Variants in MRC2 observed in about 807,000 individuals in gnomAD.
MRC2 encodes C-type mannose receptor 2.
Under a neutral mutation model 206.2 loss-of-function variants are expected in MRC2, and 84 were observed. The ratio of observed to expected loss-of-function variants is 0.41; its 90% CI spans 0.34 to 0.49. The LOEUF is 0.49. MRC2 is among the 20% of genes least tolerant of loss of function. MRC2 has a pLI of 0.31. For missense variants in MRC2, 1,676 were observed against 2,001.5 expected, an observed-to-expected ratio of 0.84 and a Z score of 3.10; for synonymous variants, 798 against 800.0, an observed-to-expected ratio of 1.00 and a Z score of 0.04.
intron 12 of MRC2, among the ~76,000 whole-genome samples, 187 bp downstream of exon 12, chr17:62,677,673 G>T (rs951203137): frequency 2.6e-5 from 4 of 152,122 alleles, no homozygotes; most frequent in African/African-American, 9.7e-5. Context: ...AGGAATTGAG[G>T]GAACCACAGA....
chr17:62,657,928 G>A (rs1185294485), intron 1 of MRC2, among the ~76,000 whole-genome samples: 2 of 152,098 alleles, frequency 1.3e-5, no homozygotes, highest in Non-Finnish European at 2.9e-5. Context: ...CCCCGGCTTG[G>A]CAGAGTCCCC....
intron 1 of MRC2, among the ~76,000 whole-genome samples, chr17:62,630,044 C>T (rs1375238349): frequency 6.6e-6 from 1 of 152,114 alleles, no homozygotes; most frequent in Non-Finnish European, 1.5e-5. Context: ...GGAAGGAGTC[C>T]TCTTTGTTAG....
intron 20 of MRC2, among the ~76,000 whole-genome samples, chr17:62,686,319 G>C (rs2089031278): frequency 6.6e-6 from 1 of 152,078 alleles, no homozygotes; most frequent in Admixed American, 6.6e-5. Context: ...CAGGTGTGGT[G>C]GTGGGCGCCT....
chr17:62,671,871 G>C lies in MRC2; in HGVS notation c.1306+34G>C. 1.3e-6 allele frequency: 2 copies of C among 1,586,694 alleles called. No individual in the cohort carries two copies. Among genetic ancestry groups the C allele is most frequent in the Non-Finnish European group, 1.7e-6 (2 of 1,163,012 alleles). ...CTGCCCGCCCACGTGTCTGGGTGGAGGGCAGGGCCTCCCACTGCCCCACCC... is the reference window on the plus strand; with the variant it reads ...CTGCCCGCCCACGTGTCTGGGTGGACGGCAGGGCCTCCCACTGCCCCACCC... On this transcript the variant is annotated intron_variant, in intron 7 of 29. Transcript: ENST00000303375. This position sits in a 1 kb window ranked among gnomAD's most constrained non-coding sequence, Gnocchi z 4.5.
chr17:62,655,007 T>C (rs1169017503), intron 1 of MRC2, among the ~76,000 whole-genome samples: 1 of 152,178 alleles, frequency 6.6e-6, no homozygotes, highest in African/African-American at 2.4e-5. Flanking sequence ...TAGCTGGGGC[T>C]GCGTGCGGTG....
At chr17:62,659,977 G>A (rs2088662152) in intron 1 of MRC2, among the ~76,000 whole-genome samples, 1 of 152,204 alleles carries the variant, frequency 6.6e-6, no homozygotes, top group Non-Finnish European at 1.5e-5. Flanking sequence ...AGGTGCTGGG[G>A]TTACAGTGGT....
chr17:62,655,118 T>C (rs940904487), intron 1 of MRC2, among the ~76,000 whole-genome samples: 2 of 152,076 alleles, frequency 1.3e-5, no homozygotes, highest in Non-Finnish European at 2.9e-5. Flanking sequence ...ACCCTGTCTC[T>C]ACTATAAATA....
At position 62,667,831 on chromosome 17, in the gene MRC2, A is replaced by G. The variant is rs2088777218; in HGVS notation, c.1117+298A>G. On this transcript the variant is annotated intron_variant, in intron 6 of 29. Coordinates refer to ENST00000303375, the MANE Select transcript of MRC2 (RefSeq NM_006039.5). This position sits in a 1 kb window ranked among gnomAD's most constrained non-coding sequence, Gnocchi z 4.1. ...CATCTCAATGCAGTTAGACTATCCC[A>G]GGTCATGAGTGATTATAGAAATATG... 6.6e-6 allele frequency among the ~76,000 whole-genome samples: 1 copy of G among 152,250 alleles called. No homozygotes were observed. Among genetic ancestry groups the G allele is most frequent in the African/African-American group, 2.4e-5 (1 of 41,464 alleles).
rs2088836104 is a variant in MRC2, at chr17:62,672,321, C to A, written c.1461+169C>A. 6.6e-6 allele frequency among the ~76,000 whole-genome samples: 1 copy of A among 152,142 alleles called. No homozygotes were observed. Among genetic ancestry groups the A allele is most frequent in the Non-Finnish European group, 1.5e-5 (1 of 68,028 alleles). ...GCCTTCCCTTCCATGTGAGAGACTG[C>A]CGGGGCTTGAATCCTACCTCCACCT... is the stretch of plus-strand genomic sequence containing the variant. On this transcript the variant is annotated intron_variant, in intron 8 of 29. Coordinates refer to ENST00000303375, the MANE Select transcript of MRC2 (RefSeq NM_006039.5). This position sits in a 1 kb window ranked among gnomAD's most constrained non-coding sequence, Gnocchi z 4.5.
At chr17:62,635,210 T>TTTC (rs1180128039) in intron 1 of MRC2, among the ~76,000 whole-genome samples, 2 of 148,002 alleles carry the variant, frequency 1.4e-5, no homozygotes, top group African/African-American at 5.0e-5. Context: ...TTTTTTTTTT[T>TTTC]TTCAGAAATA....
In MRC2 at chr17:62,678,521, G is replaced by T; in HGVS notation, c.2070G>T (p.Arg690=). The T allele has an allele frequency of 6.2e-7, 1 of 1,612,368 alleles. No homozygotes were observed. The highest frequency in any genetic ancestry group is 1.1e-5 in the South Asian group (1 of 90,996). Residue 690 remains arginine, a synonymous_variant, in exon 13 of 30, where the codon CGG becomes CGT. Transcript: ENST00000303375. ...CCCTGCAGGTGTTCAGCTCAGAGCG[G>T]CTGCAGGACAAGAAGAGCTGGGTCC... ...RYCYKVFSSE[R]LQDKKSWVQA...
At position 62,680,092 on chromosome 17, in the gene MRC2, T is replaced by C. The variant is rs1019315916; in HGVS notation, c.2299-78T>C. On this transcript the variant is annotated intron_variant, in intron 14 of 29. Transcript: ENST00000303375. The surrounding 1 kb of genome is among the most constrained non-coding windows in gnomAD (Gnocchi z 4.8). ...GAATTCGCAGCTCAGGCCAGGCCTCTTGTTCACCTGTTCCGGGCATGGGGG... is the reference window on the plus strand; with the variant it reads ...GAATTCGCAGCTCAGGCCAGGCCTCCTGTTCACCTGTTCCGGGCATGGGGG... 6.3e-6 allele frequency: 10 copies of C among 1,593,610 alleles called. No homozygotes were observed. Among genetic ancestry groups the C allele is most frequent in the African/African-American group, 5.4e-5 (4 of 74,630 alleles).
intron 1 of MRC2, among the ~76,000 whole-genome samples, chr17:62,636,507 C>T (rs188997013): frequency 0.044 from 5,879 of 133,738 alleles, 228 homozygotes; most frequent in South Asian, 0.2. Context: ...CTCGCTCTGT[C>T]GCCCAGGCTG....
intron 1 of MRC2, among the ~76,000 whole-genome samples, chr17:62,654,524 C>T (rs963099928): frequency 1.3e-5 from 2 of 152,024 alleles, no homozygotes; most frequent in Admixed American, 6.6e-5. Flanking sequence ...GGAGAGCAGC[C>T]GTCTTATCTG....
At chr17:62,663,778 A>G (rs552192065) in intron 1 of MRC2, among the ~76,000 whole-genome samples, 1 of 152,142 alleles carries the variant, frequency 6.6e-6, no homozygotes, top group Non-Finnish European at 1.5e-5. Flanking sequence ...TGCAAGGGGC[A>G]GGGGGAAGGG....
intron 1 of MRC2, among the ~76,000 whole-genome samples, chr17:62,636,625 C>A (rs1568048058): frequency 6.6e-6 from 1 of 151,960 alleles, no homozygotes; most frequent in African/African-American, 2.4e-5. Context: ...CTCACCACCA[C>A]GCCTGGCTAA....
At position 62,692,439 on chromosome 17, in the gene MRC2, G is replaced by A. The variant is rs774816226; in HGVS notation, c.4428G>A (p.Glu1476=). 10 of 1,563,392 alleles carry A rather than the reference G, an allele frequency of 6.4e-6. No individual in the cohort carries two copies. The highest frequency in any genetic ancestry group is 2.4e-5 in the South Asian group (2 of 85,030). The change falls in exon 30 of 30, where the codon GAG becomes GAA. Residue 1476 remains glutamate, a synonymous_variant. Transcript: ENST00000303375. The surrounding 1 kb of genome is among the most constrained non-coding windows in gnomAD (Gnocchi z 4.2). ...TGGTGTCAGACATGGAAATGAATGA[G>A]CAACAAGAATAGAGCCAGGCGCGTG... ...NILVSDMEMN[E]QQE
chr17:62,638,339 A>G (rs1182579146), intron 1 of MRC2, among the ~76,000 whole-genome samples: 1 of 152,222 alleles, frequency 6.6e-6, no homozygotes, highest in Non-Finnish European at 1.5e-5. Context: ...AAAAAGTCCA[A>G]TGTACTAGAA....
At chr17:62,684,828 C>T (rs551880156) in intron 20 of MRC2, among the ~76,000 whole-genome samples, 1 of 152,262 alleles carries the variant, frequency 6.6e-6, no homozygotes, top group African/African-American at 2.4e-5. Flanking sequence ...GATCTCCTGC[C>T]CTCCTCAGAA....
Sources: allele counts gnomAD v4.1 joint callset (sites outside exome capture counted in the v4.1 genomes callset), GRCh38; gene constraint gnomAD v4.1.1; non-coding constraint Gnocchi (gnomAD v3.1); transcripts MANE v1.5; gene names NCBI Gene and HGNC (gene_info 2026-07-23, HGNC 2026-07-21).